CCDC192: variants seen among roughly 807,000 people sequenced by gnomAD.
CCDC192 encodes the protein coiled-coil domain-containing protein 192.
At chr5:127,753,889 T>A (rs1317111151) in intron 2 of CCDC192, among the ~76,000 whole-genome samples, 3 of 152,196 alleles carry the variant, frequency 2.0e-5, no homozygotes, top group Admixed American at 6.5e-5. Flanking sequence ...TTCCTACTGT[T>A]AGATGACTGT....
intron 5 of CCDC192, among the ~76,000 whole-genome samples, chr5:127,819,807 A>T (rs988469196): frequency 1.3e-5 from 2 of 152,194 alleles, no homozygotes; most frequent in Admixed American, 1.3e-4. Context: ...TTAGAGAATC[A>T]TCTTTGTCAT....
intron 5 of CCDC192, among the ~76,000 whole-genome samples, chr5:127,856,777 T>A (rs886677054): frequency 6.6e-6 from 1 of 152,192 alleles, no homozygotes; most frequent in Admixed American, 6.5e-5. Context: ...GATGGTTGGT[T>A]GGAGCATCAG....
chr5:127,819,543 T>C (rs1190739882), intron 5 of CCDC192, among the ~76,000 whole-genome samples: 1 of 152,212 alleles, frequency 6.6e-6, no homozygotes, highest in African/African-American at 2.4e-5. Context: ...ACTTCCATCA[T>C]GTGACTTTAA....
chr5:127,934,561 T>C (rs1754137133), intron 6 of CCDC192, among the ~76,000 whole-genome samples: 1 of 152,190 alleles, frequency 6.6e-6, no homozygotes, highest in Non-Finnish European at 1.5e-5. Context: ...TTGGTCTCTT[T>C]ACAAGTAAAA....
chr5:127,704,786 C>G (rs569319380), intron 1 of CCDC192, among the ~76,000 whole-genome samples: 1 of 151,796 alleles, frequency 6.6e-6, no homozygotes, highest in Non-Finnish European at 1.5e-5. Context: ...CCCCAGTAAG[C>G]CTAGATCGCG....
chr5:127,826,387 G>T (rs762260515), intron 5 of CCDC192, among the ~76,000 whole-genome samples: 1 of 151,934 alleles, frequency 6.6e-6, no homozygotes, highest in African/African-American at 2.4e-5. Flanking sequence ...ATTTCTCAAA[G>T]AACTTAAAAC....
intron 3 of CCDC192, among the ~76,000 whole-genome samples, chr5:127,781,129 C>A (rs1756193357): frequency 6.6e-6 from 1 of 152,122 alleles, no homozygotes; most frequent in African/African-American, 2.4e-5. Flanking sequence ...TGTCAAAGAT[C>A]AGTTGGCTGT....
At chr5:127,766,761 C>G (rs1755249781) in intron 3 of CCDC192, among the ~76,000 whole-genome samples, 1 of 152,150 alleles carries the variant, frequency 6.6e-6, no homozygotes, top group Admixed American at 6.5e-5. Flanking sequence ...CTTGTCCACC[C>G]CCACTTCCCA....
At chr5:127,798,299 C>G in intron 5 of CCDC192, 137 bp downstream of exon 5, 3 of 389,620 alleles carry the variant, frequency 7.7e-6, no homozygotes, top group Non-Finnish European at 1.4e-5. Flanking sequence ...AGTATTTTTA[C>G]TGCGTCTACA....
rs1383705800 is a variant in CCDC192, at chr5:127,703,414, G to T, written c.-32G>T. Reference sequence around the variant, plus strand: ...ATGATGCCTGTTGACGTCTGTCCCAGGGACAGGGGATCCCAGTGGGTCTGG... The same window carrying T: ...ATGATGCCTGTTGACGTCTGTCCCATGGACAGGGGATCCCAGTGGGTCTGG... On this transcript the variant is annotated 5_prime_UTR_variant, in exon 1 of 7. It adds an upstream start codon to the 5' untranslated region. Transcript: ENST00000514853. 5.0e-6 allele frequency: 2 copies of T among 398,896 alleles called. No homozygotes were observed. Among genetic ancestry groups the T allele is most frequent in the Admixed American group, 8.8e-5 (2 of 22,714 alleles). The allele number at this position is 398,896 out of a possible 1,614,324, so 24.7% of individuals were successfully genotyped here.
intron 6 of CCDC192, among the ~76,000 whole-genome samples, chr5:127,915,796 T>C (rs1254146366): frequency 6.6e-6 from 1 of 152,208 alleles, no homozygotes; most frequent in Non-Finnish European, 1.5e-5. Context: ...CTTCTTCCAA[T>C]GTGGCCTAAG....
At chr5:127,917,103 G>A (rs1580824209) in intron 6 of CCDC192, among the ~76,000 whole-genome samples, 1 of 152,186 alleles carries the variant, frequency 6.6e-6, no homozygotes, top group Non-Finnish European at 1.5e-5. Flanking sequence ...TTGCACTTTT[G>A]TGTTATGGAA....
chr5:127,766,477 C>T (rs1473313935), intron 3 of CCDC192, among the ~76,000 whole-genome samples: 1 of 151,986 alleles, frequency 6.6e-6, no homozygotes, highest in East Asian at 1.9e-4. Flanking sequence ...GCAGTTCTAA[C>T]CATTTCTAGA....
chr5:127,799,579 T>C (rs1249845633), intron 5 of CCDC192, among the ~76,000 whole-genome samples: 2 of 152,182 alleles, frequency 1.3e-5, no homozygotes, highest in Non-Finnish European at 2.9e-5. Context: ...CTCAGAATTT[T>C]ATATGGAGGG....
intron 5 of CCDC192, among the ~76,000 whole-genome samples, chr5:127,844,523 C>T (rs995151552): frequency 2.6e-5 from 4 of 152,204 alleles, no homozygotes; most frequent in Admixed American, 6.5e-5. Flanking sequence ...CTTTGGTATG[C>T]TCACCCCTGC....
intron 5 of CCDC192, among the ~76,000 whole-genome samples, chr5:127,856,744 A>G (rs1334814020): frequency 6.6e-6 from 1 of 152,194 alleles, no homozygotes; most frequent in African/African-American, 2.4e-5. Context: ...ATCCAAAGAG[A>G]TGGAGAGATA....
At chr5:127,875,706 G>A (rs1752050122) in intron 6 of CCDC192, 45 bp downstream of exon 6, 1 of 398,146 alleles carries the variant, frequency 2.5e-6, no homozygotes, top group East Asian at 3.6e-5. Context: ...CGTCAGCTGG[G>A]TGATGTATGT....
intron 3 of CCDC192, among the ~76,000 whole-genome samples, chr5:127,771,870 A>G (rs1755572982): frequency 6.6e-6 from 1 of 152,126 alleles, no homozygotes; most frequent in African/African-American, 2.4e-5. Flanking sequence ...TTGAAAAGGA[A>G]AAAAAGGGGA....
At chr5:127,920,969 T>A (rs931939457) in intron 6 of CCDC192, among the ~76,000 whole-genome samples, 4 of 151,124 alleles carry the variant, frequency 2.6e-5, no homozygotes, top group African/African-American at 9.7e-5. Context: ...CTGAGGAAGG[T>A]GAGGCTGCAG....
Sources: gnomAD v4.1 joint callset for allele counts (sites outside exome capture counted in the v4.1 genomes callset) on GRCh38, gnomAD v4.1.1 for gene constraint, MANE v1.5 for transcripts, NCBI Gene and HGNC (gene_info 2026-07-23, HGNC 2026-07-21) for gene names.